PCDH15: variants seen among roughly 807,000 people sequenced by gnomAD.
PCDH15 encodes protocadherin related 15.
PCDH15 carries 129 observed loss-of-function variants against 178.5 expected under a neutral mutation model. The ratio of observed to expected loss-of-function variants is 0.72; its 90% CI spans 0.63 to 0.84. The LOEUF (loss-of-function observed/expected upper bound fraction) is 0.84, where lower values mean the gene tolerates loss of function less well. PCDH15 is among the 40% of genes least tolerant of loss of function. The pLI is 0.00. For missense variants in PCDH15, 2,230 were observed against 2,099.9 expected (o/e 1.06, Z -1.21); for synonymous variants, 800 against 732.0 (o/e 1.09, Z -1.50).
chr10:54,662,002 T>G (rs575090171), intron 2 of PCDH15, among the ~76,000 whole-genome samples: 24 of 151,972 alleles, frequency 1.6e-4, no homozygotes, highest in Non-Finnish European at 1.0e-4. Context: ...GGCAAATAAT[T>G]TATAAATAAT....
intron 25 of PCDH15, 144 bp downstream of exon 25, chr10:53,938,671 A>T: frequency 1.2e-6 from 1 of 868,514 alleles, no homozygotes; most frequent in Non-Finnish European, 1.8e-6. Context: ...TTAGCTGTTT[A>T]AACGAATAGG....
chr10:53,913,797 A>C, intron 25 of PCDH15, among the ~76,000 whole-genome samples: 1 of 152,102 alleles, frequency 6.6e-6, no homozygotes, highest in East Asian at 1.9e-4. Flanking sequence ...TCTGCACAGC[A>C]AAATAAGCTA....
chr10:53,955,920 T>C (rs1393028290), intron 23 of PCDH15, among the ~76,000 whole-genome samples: 4 of 152,102 alleles, frequency 2.6e-5, no homozygotes, highest in African/African-American at 4.8e-5. Context: ...GAAAGGAAAG[T>C]GTGTTGGCCT....
chr10:55,460,272 ATAT>A (rs1361253509), intron 2 of PCDH15, among the ~76,000 whole-genome samples: 1 of 151,658 alleles, frequency 6.6e-6, no homozygotes, highest in Non-Finnish European at 1.5e-5. Context: ...TATTACTCTT[ATAT>A]TATTATCATG....
chr10:55,068,070 G>A (rs1373632387), intron 2 of PCDH15, among the ~76,000 whole-genome samples: 1 of 152,008 alleles, frequency 6.6e-6, no homozygotes, highest in African/African-American at 2.4e-5. Flanking sequence ...TGGCTGTGCA[G>A]AATCTTTTTA....
At chr10:55,492,377 G>C (rs1382233168) in intron 2 of PCDH15, among the ~76,000 whole-genome samples, 1 of 151,708 alleles carries the variant, frequency 6.6e-6, no homozygotes, top group Non-Finnish European at 1.5e-5. Context: ...TATCAATCCA[G>C]GGACTACTTC....
At chr10:54,570,398 T>A (rs2133556419) in intron 2 of PCDH15, among the ~76,000 whole-genome samples, 1 of 152,280 alleles carries the variant, frequency 6.6e-6, no homozygotes, top group East Asian at 1.9e-4. Flanking sequence ...CAAAATGTAC[T>A]CTTTTGCTTA....
Position 54,747,518 on chromosome 10 carries a change from A to C in PCDH15, c.-29+53407T>G, listed in dbSNP as rs146322387. Among the ~76,000 whole-genome samples, 884 of 152,364 alleles carry C rather than the reference A, an allele frequency of 5.8e-3. 12 individuals are homozygous for C. The highest frequency in any genetic ancestry group is 0.02 in the African/African-American group (848 of 41,584). On this transcript the variant is annotated intron_variant, in intron 1 of 37. Coordinates refer to ENST00000644397, the MANE Select transcript of PCDH15 (RefSeq NM_001384140.1). Reference sequence around the variant, plus strand: ...CAAAGAGGAAAATGTTCCACATAATAAAGCATAACTACAGTTTTATAATAG... The same window carrying C: ...CAAAGAGGAAAATGTTCCACATAATCAAGCATAACTACAGTTTTATAATAG...
rs551667449 is a variant in PCDH15 at position 55,442,360 on chromosome 10, ATGTGTTCCT to A, written c.-156+185256_-156+185264del. Among the ~76,000 whole-genome samples, 294 of 149,218 alleles carry A rather than the reference ATGTGTTCCT, an allele frequency of 2.0e-3. 2 individuals are homozygous for A. Among genetic ancestry groups the A allele is most frequent in the African/African-American group, 7.0e-3 (287 of 40,850 alleles). On this transcript the variant is annotated intron_variant, in intron 2 of 5. Coordinates refer to the PCDH15 transcript ENST00000613346. Reference sequence around the variant, plus strand: ...ATTAGAAGAAAAGTAATATGCAGTCATGTGTTCCTTTTTTTTTTAATTACCAAAAAGGCA... The same window carrying A: ...ATTAGAAGAAAAGTAATATGCAGTCATTTTTTTTTAATTACCAAAAAGGCA...
At chr10:55,291,353 A>T (rs999263743) in intron 1 of PCDH15, among the ~76,000 whole-genome samples, 5 of 152,228 alleles carry the variant, frequency 3.3e-5, no homozygotes, top group African/African-American at 7.2e-5. Context: ...AGCAAAGGAC[A>T]AGTCTTTATT....
intron 2 of PCDH15, among the ~76,000 whole-genome samples, chr10:55,451,506 A>T (rs11290934): frequency 2.7e-5 from 4 of 146,396 alleles, no homozygotes; most frequent in South Asian, 2.2e-4. Flanking sequence ...TCAAAAAAAA[A>T]TAAAAAAATA....
chr10:54,684,152 G>T (rs1034215036), intron 1 of PCDH15, among the ~76,000 whole-genome samples: 1 of 151,788 alleles, frequency 6.6e-6, no homozygotes, highest in Admixed American at 6.6e-5. Flanking sequence ...TTTAAAAATT[G>T]TCCTTCAGAT....
intron 6 of PCDH15, among the ~76,000 whole-genome samples, chr10:54,343,644 CG>C (rs992022786): frequency 9.8e-6 from 1 of 101,794 alleles, no homozygotes; most frequent in Non-Finnish European, 2.1e-5. Flanking sequence ...TGTAGATTTG[CG>C]GGGGGAGGTG....
chr10:54,992,098 A>G (rs865790234), intron 2 of PCDH15, among the ~76,000 whole-genome samples: 2 of 152,134 alleles, frequency 1.3e-5, no homozygotes, highest in Non-Finnish European at 2.9e-5. Flanking sequence ...GAAAAAATAA[A>G]GAATTTTTTA....
intron 1 of PCDH15, among the ~76,000 whole-genome samples, chr10:54,790,752 A>C (rs1282744595): frequency 1.3e-5 from 2 of 151,920 alleles, no homozygotes; most frequent in Non-Finnish European, 2.9e-5. Context: ...ATTTAATGTG[A>C]ATGGAGAAGC....
At chr10:54,336,641 C>T (rs751267644) in intron 6 of PCDH15, among the ~76,000 whole-genome samples, 1 of 152,192 alleles carries the variant, frequency 6.6e-6, no homozygotes, top group East Asian at 1.9e-4. Flanking sequence ...ACCTAGATTT[C>T]AGAGGATGTA....
chr10:55,438,957 G>A (rs1353916692), intron 2 of PCDH15, among the ~76,000 whole-genome samples: 2 of 151,796 alleles, frequency 1.3e-5, no homozygotes, highest in African/African-American at 2.4e-5. Context: ...GGAGTGCAGT[G>A]GCACGATCTC....
chr10:54,894,948 T>G (rs563630251), intron 3 of PCDH15, among the ~76,000 whole-genome samples: 49 of 152,314 alleles, frequency 3.2e-4, no homozygotes, highest in Admixed American at 2.7e-3. Flanking sequence ...AAATATTTTC[T>G]TATCTCCATC....
chr10:54,935,096 G>A (rs1336939897), intron 2 of PCDH15, among the ~76,000 whole-genome samples: 2 of 148,254 alleles, frequency 1.3e-5, no homozygotes, highest in Non-Finnish European at 3.0e-5. Context: ...GTGGGGAGGG[G>A]GGAGGGATAG....
Sources: gnomAD v4.1 joint callset for allele counts (sites outside exome capture counted in the v4.1 genomes callset) on GRCh38, gnomAD v4.1.1 for gene constraint, MANE v1.5 for transcripts, NCBI Gene and HGNC (gene_info 2026-07-23, HGNC 2026-07-21) for gene names.